SEL1L: variants seen among roughly 807,000 people sequenced by gnomAD.
SEL1L encodes the protein SEL1L adaptor subunit of SYVN1 ubiquitin ligase.
In SEL1L, 52 loss-of-function variants were observed where a neutral mutation model predicts 109.8. The observed-to-expected ratio is 0.47, with a 90% CI of 0.38 to 0.60. SEL1L has a LOEUF of 0.60. Ranked by LOEUF, SEL1L falls within the 20% of genes least tolerant of loss-of-function variation. SEL1L has a pLI of 0.00. For synonymous variants in SEL1L, 373 were observed against 339.6 expected (o/e 1.10, Z -1.08); for missense variants, 749 against 962.2 (o/e 0.78, Z 2.93).
In SEL1L at chr14:81,490,590, C is replaced by T. The variant is rs1173263693; in HGVS notation, c.1255-125G>A. 5 of 733,988 alleles carry T rather than the reference C, an allele frequency of 6.8e-6. No individual in the cohort carries two copies. In the Admixed American group the frequency reaches 1.0e-4, roughly 15 times the overall value. The allele number at this position is 733,988 out of a possible 1,614,324, so 45.5% of individuals were successfully genotyped here. On this transcript the variant is annotated intron_variant, in intron 12 of 20. Coordinates refer to ENST00000336735, the MANE Select transcript of SEL1L (RefSeq NM_005065.6). Reference sequence around the variant, plus strand: ...ATCTTTCCAAAAAATTTAGAATTCCCCACAGGATATTTTAGAATTAAAAGC... The same window carrying T: ...ATCTTTCCAAAAAATTTAGAATTCCTCACAGGATATTTTAGAATTAAAAGC...
In SEL1L at chr14:81,477,028, G is replaced by A. The variant is rs1479896346; in HGVS notation, c.2329C>T (p.Pro777Ser). The A allele has an allele frequency of 6.2e-7, 1 of 1,614,046 alleles. No individual in the cohort carries two copies. The highest frequency in any genetic ancestry group is 8.5e-7 in the Non-Finnish European group (1 of 1,180,050). The change falls in exon 21 of 21, where the codon CCA becomes TCA. Residue 777 changes from proline (P) to serine (S), a missense_variant. By Grantham distance (74) the Pro-to-Ser change is moderately conservative (BLOSUM62 -1). Around this residue, in one of 2 missense-constraint regions of SEL1L, gnomAD observed 383 missense variants for 562.5 expected, o/e 0.68. Transcript: ENST00000336735. ...QDMPAPRPPGPRPAPPQQEGP... is the reference protein window; with the variant it reads ...QDMPAPRPPGSRPAPPQQEGP... Reference sequence around the variant, plus strand: ...TCCTGCTGGGGTGGAGCTGGCCGTGGCCCTGGAGGCCTGGGTGCAGGCATG... The same window carrying A: ...TCCTGCTGGGGTGGAGCTGGCCGTGACCCTGGAGGCCTGGGTGCAGGCATG...
intron 11 of SEL1L, among the ~76,000 whole-genome samples, chr14:81,494,358 T>C (rs1883660776): frequency 6.6e-6 from 1 of 152,234 alleles, no homozygotes; most frequent in Non-Finnish European, 1.5e-5. Flanking sequence ...TCACCTGAAC[T>C]TCTCGAATAT....
intron 20 of SEL1L, among the ~76,000 whole-genome samples, chr14:81,478,588 C>T (rs1903246102): frequency 6.6e-6 from 1 of 152,146 alleles, no homozygotes; most frequent in Non-Finnish European, 1.5e-5. Context: ...ATTAAAGGAA[C>T]AAAGATTGTT....
Position 81,510,508 on chromosome 14 carries a change from C to CTATATATATA in SEL1L, c.341-4268_341-4267insTATATATATA, listed in dbSNP as rs1341079977. Among the ~76,000 whole-genome samples the CTATATATATA allele has an allele frequency of 7.7e-5, 9 of 116,464 alleles. No individual in the cohort carries two copies. The East Asian group carries it at 8.2e-4, about 11-fold the overall frequency. The allele number at this position is 116,464 out of a possible 152,430, so 76.4% of individuals were successfully genotyped here. A position where few individuals can be genotyped will look rare whatever the true frequency, so the allele number is the denominator to read the frequency against. Reference sequence around the variant, plus strand: ...TCTCTCTCTCTCTCTCTCTCTCTCTCTCTCTCTATATATATATATATAGAC... The same window carrying CTATATATATA: ...TCTCTCTCTCTCTCTCTCTCTCTCTCTATATATATATCTCTCTATATATATATATATAGAC... On this transcript the variant is annotated intron_variant, in intron 3 of 20. Coordinates refer to ENST00000336735, the MANE Select transcript of SEL1L (RefSeq NM_005065.6).
chr14:81,499,515 G>T lies in SEL1L; in HGVS notation c.835C>A (p.Leu279Ile), dbSNP rs1172533049. Residue 279 changes from leucine to isoleucine, a missense_variant, in exon 8 of 21, where the codon CTT becomes ATT. This residue lies in a region of SEL1L where 366 missense variants were observed against 399.8 expected (regional missense o/e 0.92). Transcript: ENST00000336735. The stretch of plus-strand genomic sequence containing the variant: ...AGAGCTCCAAATGTATAATATACAA[G>T]AGCCTGTGAAAGAACAAAACATGTT... Reference protein sequence around the residue: ...LGVNSSQAKALVYYTFGALGG... With the variant: ...LGVNSSQAKAIVYYTFGALGG... 1 of 1,611,436 alleles carries T rather than the reference G, an allele frequency of 6.2e-7. No homozygotes were observed. The highest frequency in any genetic ancestry group is 2.2e-5 in the East Asian group (1 of 44,780).
At chr14:81,528,599 G>C (rs969310990) in intron 1 of SEL1L, among the ~76,000 whole-genome samples, 4 of 152,038 alleles carry the variant, frequency 2.6e-5, no homozygotes, top group Non-Finnish European at 5.9e-5. Context: ...TGTATTCCTT[G>C]CCAGTTTAAA....
At chr14:81,518,329 G>A (rs995599074) in intron 3 of SEL1L, among the ~76,000 whole-genome samples, 10 of 151,692 alleles carry the variant, frequency 6.6e-5, no homozygotes, top group African/African-American at 2.4e-4. Context: ...AGAAACTTAA[G>A]ACCACGTACA....
intron 19 of SEL1L, among the ~76,000 whole-genome samples, chr14:81,482,903 T>C (rs942937953): frequency 6.6e-6 from 1 of 152,188 alleles, no homozygotes; most frequent in Admixed American, 6.5e-5. Flanking sequence ...ACAGCCTATT[T>C]CATAAGTCTT....
chr14:81,513,899 A>G (rs1370181438), intron 3 of SEL1L, among the ~76,000 whole-genome samples: 1 of 152,232 alleles, frequency 6.6e-6, no homozygotes, highest in Non-Finnish European at 1.5e-5. Context: ...CCCTGTGGCC[A>G]TGAGCGGAAC....
At chr14:81,487,646 A>G in intron 15 of SEL1L, 108 bp from the exon 16 acceptor site, 1 of 1,518,518 alleles carries the variant, frequency 6.6e-7, no homozygotes, top group Non-Finnish European at 8.8e-7. Context: ...ATTCTTACTG[A>G]GTAAATATGT....
intron 11 of SEL1L, among the ~76,000 whole-genome samples, chr14:81,493,764 A>C (rs917321091): frequency 2.0e-5 from 3 of 152,168 alleles, no homozygotes; most frequent in Admixed American, 6.5e-5. Context: ...TCATACTGCC[A>C]ATCTAAATTT....
chr14:81,508,049 G>A (rs898225173), intron 3 of SEL1L, among the ~76,000 whole-genome samples: 3 of 152,150 alleles, frequency 2.0e-5, no homozygotes, highest in Non-Finnish European at 1.5e-5. Context: ...GACTCATTAT[G>A]GTGCCTATCA....
chr14:81,508,952 G>T (rs1355072620), intron 3 of SEL1L, among the ~76,000 whole-genome samples: 1 of 152,138 alleles, frequency 6.6e-6, no homozygotes. Flanking sequence ...ACAACAAAAG[G>T]TTTTCATCTA....
chr14:81,488,894 C>T (rs1883434176), intron 14 of SEL1L: 1 of 263,264 alleles, frequency 3.8e-6, no homozygotes, highest in African/African-American at 2.3e-5. Context: ...AGCTTTCCTC[C>T]TCCTCAATGG....
chr14:81,517,919 C>T (rs970320248), intron 3 of SEL1L, among the ~76,000 whole-genome samples: 2 of 151,086 alleles, frequency 1.3e-5, no homozygotes, highest in Non-Finnish European at 2.9e-5. Flanking sequence ...TGTGTACCCT[C>T]TGGGACTGAA....
chr14:81,480,617 G>C (rs1903323216), intron 19 of SEL1L, among the ~76,000 whole-genome samples: 1 of 152,126 alleles, frequency 6.6e-6, no homozygotes, highest in Non-Finnish European at 1.5e-5. Context: ...TACTTGGGAG[G>C]CTGAGTGGGA....
At position 81,513,781 on chromosome 14, in the gene SEL1L, C is replaced by G. The variant is rs183477411; in HGVS notation, c.341-7540G>C. ...ACCCCCAACTCTTCGGAATTGGGAG[C>G]GTTGGTTTGCCTGGAACCAGCTTCC... On this transcript the variant is annotated intron_variant, in intron 3 of 20. Transcript: ENST00000336735. 1.7e-3 allele frequency among the ~76,000 whole-genome samples: 265 copies of G among 152,218 alleles called. 4 individuals are homozygous for G. Among genetic ancestry groups the G allele is most frequent in the African/African-American group, 6.0e-3 (249 of 41,516 alleles).
At chr14:81,486,129 T>C (rs1335104060) in intron 17 of SEL1L, among the ~76,000 whole-genome samples, 160 bp downstream of exon 17, 1 of 152,256 alleles carries the variant, frequency 6.6e-6, no homozygotes, top group African/African-American at 2.4e-5. Context: ...CTAACTTTGA[T>C]GGCTAAAGTA....
chr14:81,511,031 T>C (rs1884456791), intron 3 of SEL1L, among the ~76,000 whole-genome samples: 1 of 152,226 alleles, frequency 6.6e-6, no homozygotes, highest in Non-Finnish European at 1.5e-5. Context: ...AATATTTTAC[T>C]GTTGTCTGGG....
Sources: allele counts gnomAD v4.1 joint callset (sites outside exome capture counted in the v4.1 genomes callset), GRCh38; gene constraint gnomAD v4.1.1; regional missense constraint gnomAD v4.1.1; transcripts MANE v1.5; gene names NCBI Gene and HGNC (gene_info 2026-07-23, HGNC 2026-07-21).